Variants in CFAP61 observed in about 807,000 individuals in gnomAD.
CFAP61 encodes cilia- and flagella-associated protein 61.
In CFAP61, 107 loss-of-function variants were observed where a neutral mutation model predicts 135.6. That is an observed-to-expected ratio of 0.79 (90% confidence interval 0.67 to 0.93). The LOEUF is 0.93. Ranked by LOEUF, CFAP61 falls within the 40% of genes least tolerant of loss-of-function variation. CFAP61 has a pLI of 0.00. For missense variants in CFAP61, 1,507 were observed against 1,556.2 expected, an observed-to-expected ratio of 0.97 and a Z score of 0.53; for synonymous variants, 575 against 578.5, an observed-to-expected ratio of 0.99 and a Z score of 0.09.
At chr20:20,156,269 G>A (rs947262918) in intron 9 of CFAP61, among the ~76,000 whole-genome samples, 9 of 151,880 alleles carry the variant, frequency 5.9e-5, no homozygotes, top group African/African-American at 1.9e-4. Context: ...TAAGAAAATC[G>A]GTGTAATTCA....
chr20:20,137,179 C>G (rs571438086), intron 8 of CFAP61, among the ~76,000 whole-genome samples: 3 of 152,328 alleles, frequency 2.0e-5, no homozygotes, highest in South Asian at 4.1e-4. Flanking sequence ...TTGTGGCCAC[C>G]ACCACTGTGA....
chr20:20,355,803 TA>T (rs2059105252), intron 26 of CFAP61, among the ~76,000 whole-genome samples: 1 of 96,794 alleles, frequency 1.0e-5, no homozygotes, highest in African/African-American at 4.5e-5. Flanking sequence ...TGAGGGGAGG[TA>T]GTGACACTGT....
chr20:20,196,479 C>A, intron 15 of CFAP61, 91 bp from the exon 16 acceptor site: 1 of 955,602 alleles, frequency 1.0e-6, no homozygotes, highest in South Asian at 1.4e-5. Flanking sequence ...TACTATCATA[C>A]CTAAAGTAAT....
At chr20:20,248,068 C>G (rs1403144651) in intron 19 of CFAP61, among the ~76,000 whole-genome samples, 1 of 152,164 alleles carries the variant, frequency 6.6e-6, no homozygotes, top group Non-Finnish European at 1.5e-5. Context: ...TTCATTGATT[C>G]ATTGATGTAT....
intron 26 of CFAP61, among the ~76,000 whole-genome samples, chr20:20,354,579 T>C (rs906927697): frequency 1.3e-5 from 2 of 151,340 alleles, no homozygotes; most frequent in Admixed American, 6.6e-5. Context: ...CTAAAGAAGT[T>C]GAATTCATAA....
In CFAP61 at chr20:20,288,659, C is replaced by T. The variant is rs1342877457; in HGVS notation, c.2847C>T (p.Ala949=). The T allele has an allele frequency of 3.1e-6, 5 of 1,613,944 alleles. No individual in the cohort carries two copies. The highest frequency in any genetic ancestry group is 4.2e-6 in the Non-Finnish European group (5 of 1,179,970). ...EKNVDYETFK[A]LNDACLVYDS... is the part of the protein sequence containing the mutation. ...ATGTGGATTATGAAACGTTTAAAGC[C>T]CTCAATGATGCATGTCTTGTGTATG... Residue 949 remains alanine (A), a synonymous_variant, in exon 23 of 27, where the codon GCC becomes GCT. Coordinates refer to ENST00000245957, the MANE Select transcript of CFAP61 (RefSeq NM_015585.4).
chr20:20,104,065 G>A (rs550710170), intron 8 of CFAP61, among the ~76,000 whole-genome samples: 1 of 152,144 alleles, frequency 6.6e-6, no homozygotes, highest in South Asian at 2.1e-4. Context: ...AGAACTTGAT[G>A]TGCTCCTTGG....
At chr20:20,054,875 T>G (rs2044179076) in intron 1 of CFAP61, among the ~76,000 whole-genome samples, 3 of 152,264 alleles carry the variant, frequency 2.0e-5, no homozygotes, top group Non-Finnish European at 4.4e-5. Context: ...TGCTCTGAAC[T>G]GAAGGTTCAT....
chr20:20,151,967 G>A (rs535415331), intron 9 of CFAP61, among the ~76,000 whole-genome samples: 93 of 152,080 alleles, frequency 6.1e-4, no homozygotes, highest in Admixed American at 3.8e-3. Context: ...CCTGTAAGGC[G>A]GAAACATCAG....
At chr20:20,348,689 C>CAAAAAAAAAAAAAAAAAAA (rs71198052) in intron 26 of CFAP61, among the ~76,000 whole-genome samples, 1 of 53,462 alleles carries the variant, frequency 1.9e-5, no homozygotes, top group African/African-American at 7.3e-5. Flanking sequence ...GACTCCGTAT[C>CAAAAAAAAAAAAAAAAAAA]AAAAAAAAAA....
chr20:20,340,597 T>C (rs2058404910), intron 25 of CFAP61, among the ~76,000 whole-genome samples: 1 of 151,800 alleles, frequency 6.6e-6, no homozygotes, highest in Non-Finnish European at 1.5e-5. Context: ...GCAGGGAGCA[T>C]GGCCCGAGAG....
chr20:20,215,766 T>G (rs1377162220), intron 17 of CFAP61, among the ~76,000 whole-genome samples: 1 of 152,084 alleles, frequency 6.6e-6, no homozygotes, highest in African/African-American at 2.4e-5. Context: ...CCAAAGAACA[T>G]AGAGTGATTC....
chr20:20,329,322 A>T (rs1602046567), intron 25 of CFAP61, among the ~76,000 whole-genome samples: 1 of 152,048 alleles, frequency 6.6e-6, no homozygotes. Flanking sequence ...CTCCACTTTA[A>T]AAAAGGAATG....
chr20:20,251,652 C>T lies in CFAP61; in HGVS notation c.2217C>T (p.Val739=), dbSNP rs114174677. Reference sequence around the variant, plus strand: ...TGTCACTGTGCTCCTGGGTTAATGTCGTGGTGGGTAGAATGACCGGCATAG... The same window carrying T: ...TGTCACTGTGCTCCTGGGTTAATGTTGTGGTGGGTAGAATGACCGGCATAG... ...ALMSLCSWVN[V]VVGRMTGIDR... Residue 739 remains valine, a synonymous_variant, in exon 20 of 27, where the codon GTC becomes GTT. Transcript: ENST00000245957. 8.0e-4 allele frequency: 1,294 copies of T among 1,614,186 alleles called. 6 individuals are homozygous for T. In the African/African-American group the frequency reaches 0.014, roughly 17 times the overall value.
chr20:20,052,564 A>C lies in CFAP61; in HGVS notation c.-64A>C, dbSNP rs762409299. Reference sequence around the variant, plus strand: ...GCGTCCTCCTTGCGGCAGCGCGTGGAGTGCGGCGTCCTGGAGCTGCGGATG... The same window carrying C: ...GCGTCCTCCTTGCGGCAGCGCGTGGCGTGCGGCGTCCTGGAGCTGCGGATG... On this transcript the variant is annotated 5_prime_UTR_variant, in exon 1 of 27. Transcript: ENST00000245957. The C allele has an allele frequency of 7.4e-6, 12 of 1,613,816 alleles. No individual in the cohort carries two copies. Among genetic ancestry groups the C allele is most frequent in the Non-Finnish European group, 8.5e-6 (10 of 1,179,900 alleles).
intron 7 of CFAP61, among the ~76,000 whole-genome samples, chr20:20,094,196 T>C (rs555249803): frequency 6.6e-6 from 1 of 152,352 alleles, no homozygotes; most frequent in Admixed American, 6.5e-5. Context: ...TTTATTTTAT[T>C]TTCTTATATT....
At chr20:20,106,051 A>ATAT (rs2048387526) in intron 8 of CFAP61, among the ~76,000 whole-genome samples, 3 of 79,532 alleles carry the variant, frequency 3.8e-5, no homozygotes, top group Non-Finnish European at 6.5e-5. Context: ...TATATATATA[A>ATAT]AATTTGATTT....
intron 8 of CFAP61, among the ~76,000 whole-genome samples, chr20:20,100,176 C>CTT (rs74180979): frequency 1.7e-4 from 25 of 142,974 alleles, no homozygotes; most frequent in Middle Eastern, 7.2e-3. Context: ...ACTAAATGGC[C>CTT]TTTTTTTTTT....
chr20:20,091,112 A>C, intron 7 of CFAP61, 136 bp downstream of exon 7: 1 of 975,044 alleles, frequency 1.0e-6, no homozygotes, highest in East Asian at 2.4e-5. Context: ...CTGCCCTTCC[A>C]GGTGGTGCAC....
Sources: allele counts gnomAD v4.1 joint callset (sites outside exome capture counted in the v4.1 genomes callset), GRCh38; gene constraint gnomAD v4.1.1; transcripts MANE v1.5; gene names NCBI Gene and HGNC (gene_info 2026-07-23, HGNC 2026-07-21).